The following GLRA2 variants were observed in gnomAD, a reference collection of about 807,000 sequenced individuals.
The protein encoded by GLRA2 is glycine receptor alpha 2.
Under a neutral mutation model 31.6 loss-of-function variants are expected in GLRA2, and 11 were observed. That is an observed-to-expected ratio of 0.35 (90% CI 0.22 to 0.58). The LOEUF (loss-of-function observed/expected upper bound fraction) is 0.58, where lower values mean the gene tolerates loss of function less well. Ranked by LOEUF, GLRA2 falls within the 20% of genes least tolerant of loss-of-function variation. The pLI is 0.84. For missense variants in GLRA2, 212 were observed against 351.8 expected (o/e 0.60, Z 3.18); for synonymous variants, 132 against 134.0 (o/e 0.99, Z 0.10).
At chrX:14,524,954 C>A (rs1416817389), upstream of GLRA2, among the ~76,000 whole-genome samples, 3 of 109,925 alleles carry the variant, frequency 2.7e-5, no homozygotes, top group East Asian at 5.7e-4. Flanking sequence ...TCATATAGAC[C>A]TGAGAAAATT....
At chrX:14,618,696 A>T (rs2090481102) in intron 7 of GLRA2, among the ~76,000 whole-genome samples, 1 of 111,499 alleles carries the variant, frequency 9.0e-6, no homozygotes, top group East Asian at 2.8e-4. Context: ...AGCTGGGATG[A>T]GGTTTTCTTT....
Position 14,730,840 on chromosome X carries a change from C to A in GLRA2, c.*355C>A, listed in dbSNP as rs2091983645. 1 of 175,234 alleles carries A rather than the reference C, an allele frequency of 5.7e-6. No homozygotes were observed. Among genetic ancestry groups the A allele is most frequent in the Non-Finnish European group, 1.1e-5 (1 of 93,890 alleles). 14.4% of individuals were successfully genotyped at this position (175,234 alleles called of 1,213,427 possible). The stretch of plus-strand genomic sequence containing the variant: ...TCTTAAGGGCTGTTTGCCTTTTGGT[C>A]CTTTTGGTTTGGTTTGGCTTTGACT... On this transcript the variant is annotated 3_prime_UTR_variant, in exon 9 of 9. Coordinates refer to ENST00000218075, the MANE Select transcript of GLRA2 (RefSeq NM_002063.4).
intron 7 of GLRA2, among the ~76,000 whole-genome samples, chrX:14,654,743 A>G (rs997735553): frequency 7.2e-5 from 8 of 111,488 alleles, no homozygotes; most frequent in Non-Finnish European, 1.3e-4. Flanking sequence ...CCATTTTCAC[A>G]CTGCTGATAA....
chrX:14,628,105 T>C (rs1042866817), intron 7 of GLRA2, among the ~76,000 whole-genome samples: 2 of 111,382 alleles, frequency 1.8e-5, no homozygotes, highest in Non-Finnish European at 3.8e-5. Context: ...TAAATTCATT[T>C]TGGGGTATAC....
At chrX:14,484,152 G>C in the GLRA2 span, among the ~76,000 whole-genome samples, 1 of 111,509 alleles carries the variant, frequency 9.0e-6, no homozygotes, top group Admixed American at 9.6e-5. Context: ...CATTAGTTCT[G>C]TCTGTCTAGA....
At chrX:14,633,834 A>G (rs1376561939) in intron 7 of GLRA2, among the ~76,000 whole-genome samples, 2 of 110,084 alleles carry the variant, frequency 1.8e-5, no homozygotes, top group African/African-American at 3.3e-5. Context: ...CTCACTTACT[A>G]TCATGAGAAC....
chrX:14,671,938 G>A (rs1367448604), intron 7 of GLRA2, among the ~76,000 whole-genome samples: 1 of 112,180 alleles, frequency 8.9e-6, no homozygotes, highest in Non-Finnish European at 1.9e-5. Context: ...GGCTGTTACT[G>A]GGACTCACAG....
intron 4 of GLRA2, among the ~76,000 whole-genome samples, chrX:14,598,782 C>A (rs1318953443): frequency 8.9e-6 from 1 of 112,145 alleles, no homozygotes; most frequent in African/African-American, 3.2e-5. Flanking sequence ...ATAAATATTT[C>A]TTGGATACCT....
chrX:14,593,899 C>T (rs770629240), intron 4 of GLRA2, among the ~76,000 whole-genome samples: 1 of 112,994 alleles, frequency 8.9e-6, no homozygotes, highest in African/African-American at 3.2e-5. Context: ...ACATGTAGCT[C>T]ATAACAGAGG....
At position 14,606,018 on chromosome X, in the gene GLRA2, T is replaced by A. The variant is rs942916373; in HGVS notation, c.578-1113T>A. On this transcript the variant is annotated intron_variant, in intron 5 of 8. Transcript: ENST00000218075. The stretch of plus-strand genomic sequence containing the variant: ...CCTTGCTTTCCATGTTCTTATTATT[T>A]TTTTTTTTTTGGCTTTATGTTGAAA... 1.6e-3 allele frequency among the ~76,000 whole-genome samples: 171 copies of A among 104,767 alleles called. 1 individual carries two copies. Among genetic ancestry groups the A allele is most frequent in the Non-Finnish European group, 2.8e-3 (147 of 52,129 alleles). 91.0% of individuals were successfully genotyped at this position (104,767 alleles called of 115,157 possible).
At chrX:14,702,501 T>C (rs1378922682) in intron 8 of GLRA2, among the ~76,000 whole-genome samples, 1 of 112,375 alleles carries the variant, frequency 8.9e-6, no homozygotes, top group African/African-American at 3.2e-5. Flanking sequence ...CTGGGATGTA[T>C]ATTATAAACT....
the GLRA2 span, among the ~76,000 whole-genome samples, chrX:14,511,061 A>G: frequency 9.0e-6 from 1 of 111,511 alleles, no homozygotes; most frequent in Non-Finnish European, 1.9e-5. Flanking sequence ...TATATCTCCC[A>G]ATGCTATCCC....
chrX:14,549,995 G>A (rs1425470283), intron 2 of GLRA2, among the ~76,000 whole-genome samples: 1 of 110,829 alleles, frequency 9.0e-6, no homozygotes, highest in Non-Finnish European at 1.9e-5. Flanking sequence ...TTTTGCAGAT[G>A]AGGAAAGCAA....
chrX:14,595,193 A>G (rs940826658), intron 4 of GLRA2, among the ~76,000 whole-genome samples: 3 of 111,547 alleles, frequency 2.7e-5, no homozygotes, highest in Non-Finnish European at 3.8e-5. Flanking sequence ...GGAATCTATC[A>G]ATTTATTTAC....
At chrX:14,703,631 T>C (rs989044888) in intron 8 of GLRA2, among the ~76,000 whole-genome samples, 1 of 111,763 alleles carries the variant, frequency 8.9e-6, no homozygotes, top group Non-Finnish European at 1.9e-5. Flanking sequence ...AGCAATGGTT[T>C]CCACTGCAAC....
intron 7 of GLRA2, among the ~76,000 whole-genome samples, chrX:14,616,696 T>C (rs1217553031): frequency 8.9e-6 from 1 of 112,001 alleles, no homozygotes; most frequent in African/African-American, 3.2e-5. Flanking sequence ...CTCTAAAAAA[T>C]AAAGATGATT....
chrX:14,724,626 CAAAAAAAAAA>C (rs758722703), intron 8 of GLRA2, among the ~76,000 whole-genome samples: 33 of 49,577 alleles, frequency 6.7e-4, no homozygotes, highest in African/African-American at 2.0e-3. Context: ...AACTCTGTCT[CAAAAAAAAAA>C]AAAAAAAAAA....
chrX:14,488,472 G>A, the GLRA2 span, among the ~76,000 whole-genome samples: 2 of 111,498 alleles, frequency 1.8e-5, no homozygotes, highest in South Asian at 3.7e-4. Context: ...CTTTATGAGT[G>A]GTCATTATTC....
At chrX:14,645,531 T>C (rs1390431974) in intron 7 of GLRA2, among the ~76,000 whole-genome samples, 2 of 111,697 alleles carry the variant, frequency 1.8e-5, no homozygotes, top group Non-Finnish European at 3.8e-5. Flanking sequence ...TTAGACACCG[T>C]GCCCAAATAT....
Sources: gnomAD v4.1 joint callset for allele counts (sites outside exome capture counted in the v4.1 genomes callset) on GRCh38, gnomAD v4.1.1 for gene constraint, MANE v1.5 for transcripts, NCBI Gene and HGNC (gene_info 2026-07-23, HGNC 2026-07-21) for gene names.